PARD3: variants seen among roughly 807,000 people sequenced by gnomAD.
The protein encoded by PARD3 is partitioning defective 3 homolog.
Under a neutral mutation model 155.4 loss-of-function variants are expected in PARD3, and 75 were observed. The observed-to-expected ratio is 0.48, with a 90% CI of 0.40 to 0.58. The LOEUF (loss-of-function observed/expected upper bound fraction) is 0.58. Ranked by LOEUF, PARD3 falls within the 20% of genes least tolerant of loss-of-function variation. The pLI, the probability that PARD3 is intolerant of heterozygous loss-of-function variation, is 0.00. For missense variants in PARD3, 1,642 were observed against 1,721.7 expected, an observed-to-expected ratio of 0.95 and a Z score of 0.82; for synonymous variants, 576 against 610.5, an observed-to-expected ratio of 0.94 and a Z score of 0.83.
intron 7 of PARD3, 144 bp from the exon 8 acceptor site, chr10:34,384,398 A>G: frequency 1.3e-6 from 1 of 773,732 alleles, no homozygotes; most frequent in Middle Eastern, 3.8e-4. Flanking sequence ...TTTTTAAATG[A>G]CAGACAAAAA....
chr10:34,697,751 T>C lies in PARD3; in HGVS notation c.121-1332A>G, dbSNP rs909085938. On this transcript the variant is annotated intron_variant, in intron 1 of 24. Coordinates refer to ENST00000374788, the MANE Select transcript of PARD3 (RefSeq NM_001184785.2). ...AATCATTTATCTAGAACACAGAGAG[T>C]AAGTTTGTAAAACAAACACTCACAC... Among the ~76,000 whole-genome samples, 4 of 124,484 alleles carry C rather than the reference T, an allele frequency of 3.2e-5. No individual in the cohort carries two copies. The East Asian group carries it at 8.9e-4, about 28-fold the overall frequency. 81.7% of individuals were successfully genotyped at this position (124,484 alleles called of 152,430 possible). A position where few individuals can be genotyped will look rare whatever the true frequency, so the allele number is the denominator to read the frequency against.
intron 22 of PARD3, among the ~76,000 whole-genome samples, chr10:34,217,838 C>T (rs1952078291): frequency 6.6e-6 from 1 of 152,116 alleles, no homozygotes; most frequent in Non-Finnish European, 1.5e-5. Flanking sequence ...CCCTCTGCGA[C>T]TCTAAAGAGG....
rs772049319 is a variant in PARD3 at position 34,111,155 on chromosome 10, C to T, written c.*14G>A. The stretch of plus-strand genomic sequence containing the variant: ...CTTTTATTGCGCGACATGAAGCATC[C>T]GTTATTTGCGTGCTCAGGAATAGAA... On this transcript the variant is annotated 3_prime_UTR_variant, in exon 25 of 25. Transcript: ENST00000374788. The T allele has an allele frequency of 1.3e-5, 20 of 1,526,350 alleles. No individual in the cohort carries two copies. The highest frequency in any genetic ancestry group is 1.8e-4 in the Middle Eastern group (1 of 5,650). The allele number at this position is 1,526,350 out of a possible 1,614,324, so 94.6% of individuals were successfully genotyped here.
chr10:34,629,223 TA>T (rs906068837), intron 2 of PARD3, among the ~76,000 whole-genome samples: 79 of 152,328 alleles, frequency 5.2e-4, no homozygotes, highest in African/African-American at 1.8e-3. Context: ...ACTCTCATAT[TA>T]AACATTTTCA....
intron 19 of PARD3, among the ~76,000 whole-genome samples, chr10:34,320,235 C>T (rs141681226): frequency 7.2e-5 from 11 of 152,300 alleles, no homozygotes; most frequent in African/African-American, 2.4e-4. Flanking sequence ...ACTGTTCTCT[C>T]ATCAAGCCTG....
intron 4 of PARD3, among the ~76,000 whole-genome samples, 173 bp from the exon 5 acceptor site, chr10:34,450,621 T>C (rs1218185906): frequency 6.6e-6 from 1 of 152,096 alleles, no homozygotes; most frequent in African/African-American, 2.4e-5. Context: ...ACCTCGGAAT[T>C]ATAACCATGT....
At chr10:34,341,421 T>C (rs1307527410) in intron 16 of PARD3, among the ~76,000 whole-genome samples, 6 of 152,216 alleles carry the variant, frequency 3.9e-5, no homozygotes, top group Non-Finnish European at 7.3e-5. Context: ...GTTTTGGTTA[T>C]ATTACTAACT....
At chr10:34,196,627 G>A (rs1432900033) in intron 22 of PARD3, among the ~76,000 whole-genome samples, 2 of 140,250 alleles carry the variant, frequency 1.4e-5, no homozygotes, top group Admixed American at 1.5e-4. Flanking sequence ...AGGCTGGAGT[G>A]CAGTGGCTCG....
intron 5 of PARD3, among the ~76,000 whole-genome samples, chr10:34,419,049 T>C (rs1372436703): frequency 6.6e-6 from 1 of 152,122 alleles, no homozygotes; most frequent in Non-Finnish European, 1.5e-5. Context: ...GTGCTGGGAT[T>C]ACAGGCAGGA....
chr10:34,573,306 T>C (rs943164803), intron 2 of PARD3, among the ~76,000 whole-genome samples: 6 of 152,094 alleles, frequency 3.9e-5, no homozygotes, highest in Admixed American at 1.3e-4. Flanking sequence ...TAGTGAACCA[T>C]GATCACACCA....
intron 1 of PARD3, among the ~76,000 whole-genome samples, chr10:34,728,329 A>C (rs188463269): frequency 6.6e-6 from 1 of 152,310 alleles, no homozygotes; most frequent in East Asian, 1.9e-4. Context: ...AAAGTATCTA[A>C]AGGATTCTGA....
chr10:34,353,335 A>T (rs913246423), intron 14 of PARD3, among the ~76,000 whole-genome samples: 2 of 152,252 alleles, frequency 1.3e-5, no homozygotes, highest in African/African-American at 4.8e-5. Context: ...GTGTAGAAAG[A>T]AGTAGACATA....
At chr10:34,119,576 C>T (rs368091579) in intron 24 of PARD3, 37 bp downstream of exon 24, 6 of 1,568,182 alleles carry the variant, frequency 3.8e-6, no homozygotes, top group African/African-American at 1.4e-5. Context: ...CTTAAAGGGC[C>T]GGGGGGATCT....
chr10:34,597,740 GAGA>G (rs1352249145), intron 2 of PARD3, among the ~76,000 whole-genome samples: 2 of 151,972 alleles, frequency 1.3e-5, no homozygotes, highest in African/African-American at 4.8e-5. Context: ...ATCGGAAGAG[GAGA>G]AGATGACGTC....
At chr10:34,534,663 G>A (rs777617446) in intron 2 of PARD3, among the ~76,000 whole-genome samples, 4 of 152,160 alleles carry the variant, frequency 2.6e-5, no homozygotes, top group East Asian at 1.9e-4. Context: ...AAGGTCCAGC[G>A]GCTGCAGAAC....
chr10:34,183,786 G>A (rs1028537441), intron 22 of PARD3, among the ~76,000 whole-genome samples: 2 of 152,126 alleles, frequency 1.3e-5, no homozygotes, highest in African/African-American at 4.8e-5. Flanking sequence ...TCTCTGTATG[G>A]GGGAGCTGTT....
chr10:34,775,277 G>A (rs771785031), intron 1 of PARD3, among the ~76,000 whole-genome samples: 4 of 152,010 alleles, frequency 2.6e-5, no homozygotes, highest in East Asian at 1.9e-4. Context: ...CAACAGTTTC[G>A]GAGGCTGAAG....
At chr10:34,174,736 T>C (rs1025664368) in intron 22 of PARD3, among the ~76,000 whole-genome samples, 1 of 152,224 alleles carries the variant, frequency 6.6e-6, no homozygotes, top group Non-Finnish European at 1.5e-5. Flanking sequence ...AAGGCTGATA[T>C]TAAGAATAAA....
rs1226768521 is a variant in PARD3, at chr10:34,605,537, CTA to C, written c.223-88380_223-88379del. 5.1e-4 allele frequency among the ~76,000 whole-genome samples: 13 copies of C among 25,702 alleles called. 1 individual carries two copies. The South Asian group carries it at 9.5e-3, about 19-fold the overall frequency. 16.9% of individuals were successfully genotyped at this position (25,702 alleles called of 152,430 possible). On this transcript the variant is annotated intron_variant, in intron 2 of 24. Coordinates refer to ENST00000374788, the MANE Select transcript of PARD3 (RefSeq NM_001184785.2). ...TATATATATCTCCTATATATATCTC[CTA>C]TATATATATATATATATCTCCTATA...
Sources: gnomAD v4.1 joint callset for allele counts (sites outside exome capture counted in the v4.1 genomes callset) on GRCh38, gnomAD v4.1.1 for gene constraint, MANE v1.5 for transcripts, NCBI Gene and HGNC (gene_info 2026-07-23, HGNC 2026-07-21) for gene names.